Variants in PTCH1 observed in about 807,000 individuals in gnomAD.
PTCH1 encodes the protein protein patched homolog 1.
Under a neutral mutation model 144.6 loss-of-function variants are expected in PTCH1, and 14 were observed. That is an observed-to-expected ratio of 0.10 (90% CI 0.06 to 0.15). PTCH1 has a LOEUF of 0.15. Among genes scored for constraint, PTCH1 ranks in the 10% least tolerant of loss-of-function variants. PTCH1 has a pLI of 1.00. For synonymous variants in PTCH1, 833 were observed against 793.6 expected (o/e 1.05, Z -0.83); for missense variants, 1,623 against 1,948.3 (o/e 0.83, Z 3.14).
intron 19 of PTCH1, among the ~76,000 whole-genome samples, chr9:95,456,064 C>T (rs917930386): frequency 5.9e-5 from 9 of 152,200 alleles, no homozygotes; most frequent in East Asian, 1.9e-4. Context: ...TGACAGGGCC[C>T]GCTGCCATGT....
intron 2 of PTCH1, among the ~76,000 whole-genome samples, chr9:95,496,966 A>C (rs1842834478): frequency 6.6e-6 from 1 of 152,210 alleles, no homozygotes; most frequent in Non-Finnish European, 1.5e-5. Flanking sequence ...AAGGAAAAAA[A>C]ACAGCGGTGG....
At position 95,445,504 on chromosome 9, in the gene PTCH1, T is replaced by A. The variant is rs1837809247; in HGVS notation, c.*889A>T. The A allele has an allele frequency of 6.6e-6, 1 of 152,232 alleles. No individual in the cohort carries two copies. The highest frequency in any genetic ancestry group is 1.5e-5 in the Non-Finnish European group (1 of 68,096). 9.4% of individuals were successfully genotyped at this position (152,232 alleles called of 1,614,324 possible). On this transcript the variant is annotated 3_prime_UTR_variant, in exon 24 of 24. Transcript: ENST00000331920. ...TCACAATGATCCGAGAGAAGGAGAT[T>A]ATCCCCCTGAAGCACAAATTGGGGT...
rs927931349 is a variant in PTCH1 at position 95,458,983 on chromosome 9, G to A, written c.2887+617C>T. 6.6e-6 allele frequency among the ~76,000 whole-genome samples: 1 copy of A among 152,210 alleles called. No individual in the cohort carries two copies. Among genetic ancestry groups the A allele is most frequent in the African/African-American group, 2.4e-5 (1 of 41,446 alleles). ...GAGTCTCCAGCCATGTTTGCAAGGG[G>A]ACCCGTCTTCTTTCTCACATCCTCC... is the stretch of plus-strand genomic sequence containing the variant. On this transcript the variant is annotated intron_variant, in intron 17 of 23. Transcript: ENST00000331920. This position sits in a 1 kb window ranked among gnomAD's most constrained non-coding sequence, Gnocchi z 4.7.
intron 1 of PTCH1, chr9:95,507,318 C>T (rs1843758798): frequency 1.0e-6 from 1 of 985,362 alleles, no homozygotes; most frequent in Non-Finnish European, 1.2e-6. Flanking sequence ...CAGCCGAGTG[C>T]AAAGGGAAGG....
chr9:95,458,393 G>T lies in PTCH1; in HGVS notation c.2888-100C>A. On this transcript the variant is annotated intron_variant, in intron 17 of 23. Transcript: ENST00000331920. The surrounding 1 kb of genome is among the most constrained non-coding windows in gnomAD (Gnocchi z 4.7). ...AACTTTGCATGAAAGCTTACTGACT[G>T]CTCTTCTACATGATACAAAGAACAA... The T allele has an allele frequency of 7.1e-7, 1 of 1,406,938 alleles. No homozygotes were observed. Among genetic ancestry groups the T allele is most frequent in the Non-Finnish European group, 9.8e-7 (1 of 1,017,880 alleles). The allele number at this position is 1,406,938 out of a possible 1,614,324, so 87.2% of individuals were successfully genotyped here. A position where few individuals can be genotyped will look rare whatever the true frequency, so the allele number is the denominator to read the frequency against.
Position 95,476,920 on chromosome 9 carries a change from G to A in PTCH1, c.1504-63C>T. The A allele has an allele frequency of 6.7e-7, 1 of 1,493,526 alleles. No homozygotes were observed. Among genetic ancestry groups the A allele is most frequent in the Non-Finnish European group, 9.2e-7 (1 of 1,082,038 alleles). 92.5% of individuals were successfully genotyped at this position (1,493,526 alleles called of 1,614,324 possible). A position where few individuals can be genotyped will look rare whatever the true frequency, so the allele number is the denominator to read the frequency against. The stretch of plus-strand genomic sequence containing the variant: ...GAGATGCAATTCAGATGATTCTAAA[G>A]CTAGTTAGGACTCTGCCACCAGCAC... On this transcript the variant is annotated intron_variant, in intron 10 of 23. Coordinates refer to ENST00000331920, the MANE Select transcript of PTCH1 (RefSeq NM_000264.5). This position sits in a 1 kb window ranked among gnomAD's most constrained non-coding sequence, Gnocchi z 4.6.
chr9:95,464,639 TA>T (rs962613944), intron 15 of PTCH1, among the ~76,000 whole-genome samples: 3 of 152,192 alleles, frequency 2.0e-5, no homozygotes, highest in African/African-American at 7.2e-5. Context: ...ATGTATGTTT[TA>T]AGATGTGACA....
At chr9:95,494,040 G>A (rs867491009) in intron 2 of PTCH1, among the ~76,000 whole-genome samples, 1 of 152,182 alleles carries the variant, frequency 6.6e-6, no homozygotes, top group Non-Finnish European at 1.5e-5. Context: ...AACCACCAAA[G>A]CATAACGAGA....
rs1389183150 is a variant in PTCH1, at chr9:95,461,934, A to G, written c.2625T>C (p.Asn875=). 6.2e-7 allele frequency: 1 copy of G among 1,614,234 alleles called. No homozygotes were observed. The highest frequency in any genetic ancestry group is 1.7e-5 in the Admixed American group (1 of 60,034). The change falls in exon 16 of 24, where the codon AAT becomes AAC. Residue 875 remains asparagine, a synonymous_variant. Transcript: ENST00000331920. ...AGGCAAGGACTCCATCGTCTGATCC[A>G]TTCTTGTAATTGTTTGGCATGATTT... is the stretch of plus-strand genomic sequence containing the variant. The part of the protein sequence containing the change: ...TGKIMPNNYK[N]GSDDGVLAYK...
At chr9:95,501,539 TAAAA>T (rs35918689) in intron 2 of PTCH1, among the ~76,000 whole-genome samples, 2 of 145,468 alleles carry the variant, frequency 1.4e-5, no homozygotes, top group Non-Finnish European at 3.0e-5. Flanking sequence ...CTATTTTTCT[TAAAA>T]AAAAAAAAAA....
Position 95,478,995 on chromosome 9 carries a change from T to A in PTCH1, c.1215+5A>T. On this transcript the variant is annotated splice_donor_5th_base_variant and intron_variant, in intron 8 of 23. Coordinates refer to ENST00000331920, the MANE Select transcript of PTCH1 (RefSeq NM_000264.5). ...GTCTGCACGCCGATTCGAAGGTGGG[T>A]TTACCTCCACATATGTCCTCTGCCA... 2 of 1,614,166 alleles carry A rather than the reference T, an allele frequency of 1.2e-6. No individual in the cohort carries two copies. Among genetic ancestry groups the A allele is most frequent in the Non-Finnish European group, 1.7e-6 (2 of 1,180,042 alleles).
intron 2 of PTCH1, among the ~76,000 whole-genome samples, chr9:95,499,920 C>T (rs1843036379): frequency 6.6e-6 from 1 of 151,834 alleles, no homozygotes; most frequent in South Asian, 2.1e-4. Flanking sequence ...CTCCCCTACC[C>T]CAATACAAGC....
intron 15 of PTCH1, among the ~76,000 whole-genome samples, chr9:95,465,305 C>T (rs1441727803): frequency 6.6e-6 from 1 of 152,198 alleles, no homozygotes; most frequent in African/African-American, 2.4e-5. Flanking sequence ...TGCTCACAGA[C>T]TGGCAGGGCA....
In PTCH1 at chr9:95,478,136, G is replaced by A. The variant is rs776867628; in HGVS notation, c.1266C>T (p.Phe422=). 1 of 1,614,202 alleles carries A rather than the reference G, an allele frequency of 6.2e-7. No individual in the cohort carries two copies. Among genetic ancestry groups the A allele is most frequent in the South Asian group, 1.1e-5 (1 of 91,090 alleles). The change falls in exon 9 of 24, where the codon TTC becomes TTT. Residue 422 remains phenylalanine (F), a synonymous_variant. Transcript: ENST00000331920. ...GGATGTCGTCCAGGGTCGTGGTGGT[G>A]AAGGAAAGCACCTTTTGAGTGGAGT... The part of the protein sequence containing the change: ...AQNSTQKVLS[F]TTTTLDDILK...
At position 95,485,891 on chromosome 9, in the gene PTCH1, G is replaced by A. The variant is rs1564063460; in HGVS notation, c.395-17C>T. 1 of 1,613,864 alleles carries A rather than the reference G, an allele frequency of 6.2e-7. No individual in the cohort carries two copies. The highest frequency in any genetic ancestry group is 8.5e-7 in the Non-Finnish European group (1 of 1,179,832). The stretch of plus-strand genomic sequence containing the variant: ...GTCCTCCAACTGACAAATATGTACA[G>A]GTTTAATTAGAATAGCAAAATCACT... On this transcript the variant is annotated splice_polypyrimidine_tract_variant and intron_variant, in intron 2 of 23. Coordinates refer to ENST00000331920, the MANE Select transcript of PTCH1 (RefSeq NM_000264.5).
chr9:95,489,346 C>A (rs1160968034), intron 2 of PTCH1, among the ~76,000 whole-genome samples: 3 of 152,046 alleles, frequency 2.0e-5, no homozygotes, highest in Non-Finnish European at 4.4e-5. Flanking sequence ...ATAGGTTTCC[C>A]CCTTCTTTTT....
At chr9:95,453,193 C>T (rs889837533) in intron 20 of PTCH1, 47 of 415,722 alleles carry the variant, frequency 1.1e-4, no homozygotes, top group South Asian at 7.6e-4. Context: ...AGTGTAGTGG[C>T]GCAATCTCAG....
At position 95,469,777 on chromosome 9, in the gene PTCH1, A is replaced by C. The variant is rs764463287; in HGVS notation, c.1847+36T>G. 9 of 1,545,696 alleles carry C rather than the reference A, an allele frequency of 5.8e-6. No individual in the cohort carries two copies. The Admixed American group carries it at 1.5e-4, about 26-fold the overall frequency. ...GAGTTCTCTCACAGCACCATTCTGC[A>C]CCCAATCAAAAGGCCACAGCAGTCT... On this transcript the variant is annotated intron_variant, in intron 13 of 23. Coordinates refer to ENST00000331920, the MANE Select transcript of PTCH1 (RefSeq NM_000264.5).
intron 10 of PTCH1, 64 bp downstream of exon 10, chr9:95,477,483 G>A: frequency 6.2e-7 from 1 of 1,605,454 alleles, no homozygotes; most frequent in Non-Finnish European, 8.5e-7. Context: ...GAGGCTGGCT[G>A]GGCCAAGCCT....
Sources: gnomAD v4.1 joint callset for allele counts (sites outside exome capture counted in the v4.1 genomes callset) on GRCh38, gnomAD v4.1.1 for gene constraint, Gnocchi (gnomAD v3.1) non-coding constraint, MANE v1.5 for transcripts, NCBI Gene and HGNC (gene_info 2026-07-23, HGNC 2026-07-21) for gene names.